Variants in KLRG2 observed in about 807,000 individuals in gnomAD.
KLRG2 encodes the protein killer cell lectin like receptor G2, also known as killer cell lectin-like receptor subfamily G member 2.
Under a neutral mutation model 35.4 loss-of-function variants are expected in KLRG2, and 39 were observed. The ratio of observed to expected loss-of-function variants is 1.10; its 90% CI spans 0.85 to 1.44. The LOEUF is 1.44. Ranked by LOEUF, KLRG2 falls within the 40% of genes most tolerant of loss-of-function variation. KLRG2 has a pLI of 0.00. For synonymous variants in KLRG2, 283 were observed against 265.8 expected, an observed-to-expected ratio of 1.06 and a Z score of -0.63; for missense variants, 632 against 570.9, an observed-to-expected ratio of 1.11 and a Z score of -1.09.
intron 3 of KLRG2, among the ~76,000 whole-genome samples, chr7:139,478,329 G>T (rs1186037368): frequency 1.4e-5 from 2 of 146,480 alleles, no homozygotes; most frequent in Non-Finnish European, 3.0e-5. Flanking sequence ...CTGCACTACT[G>T]TACTCAGCCT....
At chr7:139,429,990 A>AAGG in the KLRG2 span, among the ~76,000 whole-genome samples, 1 of 152,172 alleles carries the variant, frequency 6.6e-6, no homozygotes, top group Non-Finnish European at 1.5e-5. Flanking sequence ...GGGTGTTTTT[A>AAGG]AGGCAGGGTT....
At chr7:139,438,602 T>C in the KLRG2 span, among the ~76,000 whole-genome samples, 9 of 152,154 alleles carry the variant, frequency 5.9e-5, no homozygotes, top group South Asian at 1.9e-3. Flanking sequence ...TGGTGAGGAC[T>C]TGTAGCACCT....
chr7:139,456,820 C>T (rs563163421), intron 3 of KLRG2, among the ~76,000 whole-genome samples: 93 of 152,310 alleles, frequency 6.1e-4, no homozygotes, highest in African/African-American at 2.1e-3. Flanking sequence ...TGTCACTTTC[C>T]TGTATTAGTT....
At chr7:139,470,246 G>A (rs763773160) in intron 3 of KLRG2, among the ~76,000 whole-genome samples, 1 of 151,948 alleles carries the variant, frequency 6.6e-6, no homozygotes, top group African/African-American at 2.4e-5. Context: ...TTTTAATAAA[G>A]ACGGGATTTC....
the KLRG2 span, among the ~76,000 whole-genome samples, chr7:139,435,905 A>AT: frequency 0.38 from 54,746 of 144,936 alleles, 11,731 homozygotes; most frequent in African/African-American, 0.61. Context: ...AGGGCCTGTA[A>AT]TTTTTTTTTT....
chr7:139,455,164 A>G (rs1569409757), intron 3 of KLRG2, among the ~76,000 whole-genome samples: 2 of 151,742 alleles, frequency 1.3e-5, no homozygotes, highest in South Asian at 2.1e-4. Flanking sequence ...AACTACAGGC[A>G]TGCACCACCA....
chr7:139,428,054 A>G, the KLRG2 span, among the ~76,000 whole-genome samples: 2 of 152,156 alleles, frequency 1.3e-5, no homozygotes, highest in Non-Finnish European at 2.9e-5. Context: ...TTCAGCTGGG[A>G]GTGGCAAGAA....
intron 3 of KLRG2, among the ~76,000 whole-genome samples, chr7:139,455,023 A>ATTT (rs35053312): frequency 2.1e-4 from 31 of 145,438 alleles, no homozygotes; most frequent in African/African-American, 5.8e-4. Flanking sequence ...TATATTTAAG[A>ATTT]TTTTTTTTTT....
the KLRG2 span, among the ~76,000 whole-genome samples, chr7:139,433,914 C>A: frequency 6.6e-6 from 1 of 152,066 alleles, no homozygotes; most frequent in Non-Finnish European, 1.5e-5. Context: ...GGGAGCACTT[C>A]AGTGTGAGCC....
At chr7:139,465,906 C>T (rs1371865727) in intron 3 of KLRG2, among the ~76,000 whole-genome samples, 1 of 152,068 alleles carries the variant, frequency 6.6e-6, no homozygotes, top group Non-Finnish European at 1.5e-5. Flanking sequence ...AAACTTGCAC[C>T]TATCAATCTC....
chr7:139,451,395 G>A (rs1003915952), downstream of KLRG2, among the ~76,000 whole-genome samples: 26 of 152,160 alleles, frequency 1.7e-4, no homozygotes, highest in Admixed American at 1.6e-3. Flanking sequence ...AGCTACTCAG[G>A]AGGCTGAGGC....
At chr7:139,478,054 G>A (rs542429273) in intron 3 of KLRG2, among the ~76,000 whole-genome samples, 4 of 143,426 alleles carry the variant, frequency 2.8e-5, no homozygotes, top group South Asian at 2.6e-4. Context: ...CACTGTGCCC[G>A]GCCCACAATT....
chr7:139,448,021 G>A (rs187274588), downstream of KLRG2, among the ~76,000 whole-genome samples: 5 of 152,212 alleles, frequency 3.3e-5, no homozygotes, highest in African/African-American at 9.6e-5. Context: ...AGACAGACAG[G>A]TCTGGCTCTG....
the KLRG2 span, among the ~76,000 whole-genome samples, chr7:139,438,920 T>TC: frequency 0.038 from 2,419 of 62,986 alleles, 29 homozygotes; most frequent in Middle Eastern, 0.061. Context: ...GATGATCCCC[T>TC]CCCCCCCCCC....
intron 3 of KLRG2, among the ~76,000 whole-genome samples, chr7:139,462,774 C>T (rs905226347): frequency 6.6e-6 from 1 of 152,006 alleles, no homozygotes; most frequent in African/African-American, 2.4e-5. Flanking sequence ...ACACATCAGT[C>T]CCTCCCTAGT....
At position 139,482,892 on chromosome 7, in the gene KLRG2, G is replaced by T; in HGVS notation, c.751C>A (p.Leu251Ile). The T allele has an allele frequency of 2.0e-6, 3 of 1,476,434 alleles. No homozygotes were observed. In the South Asian group the frequency reaches 4.0e-5, roughly 20 times the overall value. The allele number at this position is 1,476,434 out of a possible 1,614,324, so 91.5% of individuals were successfully genotyped here. A position where few individuals can be genotyped will look rare whatever the true frequency, so the allele number is the denominator to read the frequency against. The stretch of plus-strand genomic sequence containing the variant: ...GGCGCAGGTGAGCACTCACCCGTAA[G>T]CGTTACGGCCCGGGGCAGCTTCTCG... ...GDEKLPRAVT[L>I]TGLPMYVKSL... Residue 251 changes from leucine (L) to isoleucine (I), a missense_variant, in exon 1 of 5, where the codon CTT becomes ATT. Coordinates refer to ENST00000340940, the MANE Select transcript of KLRG2 (RefSeq NM_198508.4).
At position 139,483,494 on chromosome 7, in the gene KLRG2, G is replaced by C; in HGVS notation, c.149C>G (p.Pro50Arg). 1 of 1,596,774 alleles carries C rather than the reference G, an allele frequency of 6.3e-7. No individual in the cohort carries two copies. The highest frequency in any genetic ancestry group is 1.1e-5 in the South Asian group (1 of 90,246). ...QPEGPESSPS[P>R]AGAVEKAAGA... ...CGCCGCCTTCTCCACGGCCCCGGCC[G>C]GACTTGGGCTGCTTTCGGGACCTTC... Residue 50 changes from proline to arginine, a missense_variant, in exon 1 of 5, where the codon CCG (proline) becomes CGG (arginine). Physicochemically the swap from Pro to Arg is moderately radical, Grantham distance 103 (BLOSUM62 -2). Coordinates refer to ENST00000340940, the MANE Select transcript of KLRG2 (RefSeq NM_198508.4).
At chr7:139,445,763 GTATGTATATATATA>G in the KLRG2 span, among the ~76,000 whole-genome samples, 6 of 121,348 alleles carry the variant, frequency 4.9e-5, no homozygotes, top group Non-Finnish European at 7.7e-5. Context: ...ATATATATGT[GTATGTATATATATA>G]TATGTATATA....
In KLRG2 at chr7:139,452,798, G is replaced by C. The variant is rs1260293385; in HGVS notation, c.*789C>G. The C allele has an allele frequency of 2.0e-5, 3 of 152,368 alleles. No homozygotes were observed. Among genetic ancestry groups the C allele is most frequent in the Non-Finnish European group, 4.4e-5 (3 of 68,124 alleles). The allele number at this position is 152,368 out of a possible 1,614,324, so 9.4% of individuals were successfully genotyped here. On this transcript the variant is annotated 3_prime_UTR_variant, in exon 5 of 5. Coordinates refer to ENST00000340940, the MANE Select transcript of KLRG2 (RefSeq NM_198508.4). ...CGTCTCTGCAGCTGTGGGTAGAAGA[G>C]CTGCCTGGAACGTGCCTGCATTTCT... is the stretch of plus-strand genomic sequence containing the variant.
Sources: allele counts gnomAD v4.1 joint callset (sites outside exome capture counted in the v4.1 genomes callset), GRCh38; gene constraint gnomAD v4.1.1; transcripts MANE v1.5; gene names NCBI Gene and HGNC (gene_info 2026-07-23, HGNC 2026-07-21).